Variants in RSRC1 observed in about 807,000 individuals in gnomAD.
RSRC1 encodes serine/Arginine-related protein 53.
A neutral mutation model predicts 49.1 loss-of-function variants in RSRC1; 39 were observed. The ratio of observed to expected loss-of-function variants is 0.79; its 90% CI spans 0.61 to 1.04. The LOEUF is 1.04. Among genes scored for constraint, RSRC1 ranks in the 50% least tolerant of loss-of-function variants. RSRC1 has a pLI of 0.00. For missense variants in RSRC1, 388 were observed against 402.4 expected, an observed-to-expected ratio of 0.96 and a Z score of 0.31; for synonymous variants, 143 against 130.8, an observed-to-expected ratio of 1.09 and a Z score of -0.63.
In RSRC1 at chr3:158,194,900, T is replaced by G. The variant is rs191287931; in HGVS notation, c.321-8172T>G. Among the ~76,000 whole-genome samples, 28 of 152,312 alleles carry G rather than the reference T, an allele frequency of 1.8e-4. No individual in the cohort carries two copies. In the East Asian group the frequency reaches 5.2e-3, roughly 28 times the overall value. The stretch of plus-strand genomic sequence containing the variant: ...TTTTCTTAATCCAGTCTATCATTGT[T>G]GGACATTTAGGATAGGTTCCAAGTC... On this transcript the variant is annotated intron_variant, in intron 3 of 9. Coordinates refer to ENST00000611884, the MANE Select transcript of RSRC1 (RefSeq NM_001271838.2).
intron 7 of RSRC1, among the ~76,000 whole-genome samples, chr3:158,472,639 C>A (rs1738189547): frequency 6.6e-6 from 1 of 152,118 alleles, no homozygotes; most frequent in South Asian, 2.1e-4. Context: ...TAAATGTCTT[C>A]TTTTGAGAAG....
intron 4 of RSRC1, among the ~76,000 whole-genome samples, chr3:158,289,909 G>A (rs1192233835): frequency 1.4e-5 from 2 of 143,502 alleles, no homozygotes; most frequent in East Asian, 4.2e-4. Context: ...AAATTTATCT[G>A]TCTTTCTATC....
At chr3:158,241,011 C>A (rs1229005290) in intron 4 of RSRC1, among the ~76,000 whole-genome samples, 3 of 152,006 alleles carry the variant, frequency 2.0e-5, no homozygotes, top group Admixed American at 2.0e-4. Flanking sequence ...ATCTCTTATG[C>A]TACCTAATGT....
intron 6 of RSRC1, among the ~76,000 whole-genome samples, chr3:158,386,403 T>C (rs560944831): frequency 2.1e-4 from 32 of 152,212 alleles, no homozygotes; most frequent in African/African-American, 7.7e-4. Context: ...ATTTTAGTTT[T>C]GACAACAAAG....
At position 158,138,065 on chromosome 3, in the gene RSRC1, A is replaced by G. The variant is rs74694767; in HGVS notation, c.320+14074A>G. Among the ~76,000 whole-genome samples the G allele has an allele frequency of 1.0e-2, 1,520 of 152,258 alleles. 14 individuals are homozygous for G. Among genetic ancestry groups the G allele is most frequent in the Non-Finnish European group, 0.014 (930 of 68,022 alleles). ...CATTGGAGCCCTTTGTTGCCCAGAT[A>G]CAATTAGGGACCAGATTTCCACCTG... is the stretch of plus-strand genomic sequence containing the variant. On this transcript the variant is annotated intron_variant, in intron 3 of 9. Transcript: ENST00000611884.
chr3:158,509,303 T>C (rs1740028837), intron 7 of RSRC1, among the ~76,000 whole-genome samples: 1 of 152,162 alleles, frequency 6.6e-6, no homozygotes, highest in African/African-American at 2.4e-5. Context: ...AAAGCCTCTT[T>C]AGAAGATATG....
At chr3:158,418,280 A>C (rs148412700) in intron 6 of RSRC1, among the ~76,000 whole-genome samples, 387 of 152,112 alleles carry the variant, frequency 2.5e-3, no homozygotes, top group Middle Eastern at 6.8e-3. Flanking sequence ...ATAGTAAAGT[A>C]AAGTCTGTTC....
intron 6 of RSRC1, among the ~76,000 whole-genome samples, chr3:158,450,178 G>A (rs1369188377): frequency 1.3e-5 from 2 of 151,926 alleles, no homozygotes; most frequent in Non-Finnish European, 2.9e-5. Context: ...TTCTGCTGAG[G>A]AATTTTCTAG....
intron 5 of RSRC1, among the ~76,000 whole-genome samples, chr3:158,318,043 G>T (rs928067504): frequency 1.3e-5 from 2 of 151,996 alleles, no homozygotes; most frequent in Non-Finnish European, 2.9e-5. Context: ...GTGTGTGTGT[G>T]TGTGTTTGTT....
intron 2 of RSRC1, 147 bp downstream of exon 2, chr3:158,122,445 C>T (rs1715322978): frequency 1.3e-5 from 7 of 553,868 alleles, no homozygotes; most frequent in Admixed American, 4.0e-5. Context: ...TTTTTTGTTC[C>T]ACCAGGTCCA....
intron 5 of RSRC1, among the ~76,000 whole-genome samples, chr3:158,302,221 G>T (rs1727593223): frequency 6.6e-6 from 1 of 151,962 alleles, no homozygotes; most frequent in Non-Finnish European, 1.5e-5. Context: ...AGGCAAAGTG[G>T]TTTATAGCTA....
chr3:158,390,874 C>A (rs1733246914), intron 6 of RSRC1, among the ~76,000 whole-genome samples: 1 of 152,070 alleles, frequency 6.6e-6, no homozygotes, highest in African/African-American at 2.4e-5. Flanking sequence ...GACCACTGAA[C>A]TTTTAAGAAT....
intron 6 of RSRC1, among the ~76,000 whole-genome samples, chr3:158,377,672 T>C (rs1269605626): frequency 6.6e-6 from 1 of 151,730 alleles, no homozygotes; most frequent in Non-Finnish European, 1.5e-5. Flanking sequence ...TTTTTTTTTT[T>C]CTTCTGAGAC....
intron 4 of RSRC1, among the ~76,000 whole-genome samples, chr3:158,262,489 CAT>C (rs1250291354): frequency 1.3e-5 from 2 of 152,110 alleles, no homozygotes; most frequent in Non-Finnish European, 2.9e-5. Flanking sequence ...TACTTGGAAT[CAT>C]GTGGTCTTAG....
At chr3:158,540,463 A>G (rs953463348) in intron 8 of RSRC1, among the ~76,000 whole-genome samples, 3 of 152,136 alleles carry the variant, frequency 2.0e-5, no homozygotes, top group East Asian at 3.9e-4. Context: ...CCAGATATCT[A>G]TCCCTCAGAT....
intron 5 of RSRC1, among the ~76,000 whole-genome samples, chr3:158,326,559 C>G (rs1269222887): frequency 6.6e-6 from 1 of 152,062 alleles, no homozygotes; most frequent in Non-Finnish European, 1.5e-5. Flanking sequence ...TTGAACCAGC[C>G]TTGCATCGTA....
chr3:158,119,820 T>C (rs1715126654), intron 1 of RSRC1, among the ~76,000 whole-genome samples: 1 of 148,478 alleles, frequency 6.7e-6, no homozygotes, highest in Non-Finnish European at 1.5e-5. Context: ...TATATATTTA[T>C]AATTTCATAG....
intron 3 of RSRC1, among the ~76,000 whole-genome samples, chr3:158,145,337 G>A (rs943603926): frequency 8.3e-4 from 127 of 152,096 alleles, no homozygotes; most frequent in Non-Finnish European, 1.7e-3. Context: ...TCCAGTTTCA[G>A]CTTTCTACAT....
At chr3:158,195,715 T>C (rs1055989763) in intron 3 of RSRC1, among the ~76,000 whole-genome samples, 1 of 152,194 alleles carries the variant, frequency 6.6e-6, no homozygotes, top group African/African-American at 2.4e-5. Context: ...TTTCTACATA[T>C]GGCTAGCCAG....
Sources: gnomAD v4.1 joint callset for allele counts (sites outside exome capture counted in the v4.1 genomes callset) on GRCh38, gnomAD v4.1.1 for gene constraint, MANE v1.5 for transcripts, NCBI Gene and HGNC (gene_info 2026-07-23, HGNC 2026-07-21) for gene names.